PRL: variants seen among roughly 807,000 people sequenced by gnomAD.
PRL encodes decidual prolactin.
A neutral mutation model predicts 21.3 loss-of-function variants in PRL; 24 were observed. The observed-to-expected ratio is 1.13, with a 90% CI of 0.82 to 1.59. PRL has a LOEUF of 1.59. Among genes scored for constraint, PRL ranks in the 40% most tolerant of loss-of-function variants. The probability of loss-of-function intolerance (pLI) is 0.00; values close to 1 mark genes in which losing one functional copy is unlikely to be tolerated. For synonymous variants in PRL, 118 were observed against 115.7 expected, an observed-to-expected ratio of 1.02 and a Z score of -0.13; for missense variants, 243 against 286.9, an observed-to-expected ratio of 0.85 and a Z score of 1.10.
upstream of PRL, among the ~76,000 whole-genome samples, chr6:22,298,087 A>C (rs1381911656): frequency 6.6e-6 from 1 of 152,202 alleles, no homozygotes; most frequent in Non-Finnish European, 1.5e-5. Context: ...ACACACACAG[A>C]CACACTTACA....
rs371254759 is a variant in PRL at position 22,290,255 on chromosome 6, C to T, written c.411G>A (p.Pro137=). 1.6e-5 allele frequency: 26 copies of T among 1,612,968 alleles called. No homozygotes were observed. The highest frequency in any genetic ancestry group is 1.6e-4 in the Middle Eastern group (1 of 6,080). The change falls in exon 4 of 5, where the codon CCG becomes CCA. Residue 137 remains proline (P), a synonymous_variant. Coordinates refer to ENST00000306482, the MANE Select transcript of PRL (RefSeq NM_000948.6). Reference sequence around the variant, plus strand: ...CTACAGCTTTGGATAGGATAGCCTCCGGGGCTTCTTGCATACCACGTACTT... The same window carrying T: ...CTACAGCTTTGGATAGGATAGCCTCTGGGGCTTCTTGCATACCACGTACTT... ...VTEVRGMQEA[P]EAILSKAVEI...
At chr6:22,295,951 A>T (rs1761164195) in intron 1 of PRL, among the ~76,000 whole-genome samples, 1 of 152,230 alleles carries the variant, frequency 6.6e-6, no homozygotes, top group African/African-American at 2.4e-5. Flanking sequence ...TTGTAAAATA[A>T]AATTTTTGTT....
At chr6:22,295,377 C>A (rs1581388188) in intron 1 of PRL, among the ~76,000 whole-genome samples, 1 of 152,134 alleles carries the variant, frequency 6.6e-6, no homozygotes, top group East Asian at 1.9e-4. Context: ...TGCACGTCGT[C>A]TTGTCACATC....
Position 22,288,740 on chromosome 6 carries a change from G to A in PRL, c.493-1147C>T, listed in dbSNP as rs191167721. 1.7e-4 allele frequency among the ~76,000 whole-genome samples: 26 copies of A among 152,320 alleles called. No individual in the cohort carries two copies. Among genetic ancestry groups the A allele is most frequent in the Admixed American group, 9.1e-4 (14 of 15,308 alleles). On this transcript the variant is annotated intron_variant, in intron 4 of 4. Transcript: ENST00000306482. The surrounding 1 kb of genome is among the most constrained non-coding windows in gnomAD (Gnocchi z 4.5). ...AAGTAACCATTTTAGCAACTTTAGG[G>A]ATGTCAGCTAGTTTGGAGAGTTATT...
rs1052827898 is a variant in PRL, at chr6:22,288,216, G to T, written c.493-623C>A. On this transcript the variant is annotated intron_variant, in intron 4 of 4. Coordinates refer to ENST00000306482, the MANE Select transcript of PRL (RefSeq NM_000948.6). This position sits in a 1 kb window ranked among gnomAD's most constrained non-coding sequence, Gnocchi z 4.5. ...TGCTTTCTTTTGAGGTCCCTGGGCT[G>T]GGAGGTGCCGGGAAAAGCACCTACA... Among the ~76,000 whole-genome samples the T allele has an allele frequency of 6.6e-6, 1 of 152,058 alleles. No homozygotes were observed. Among genetic ancestry groups the T allele is most frequent in the African/African-American group, 2.4e-5 (1 of 41,388 alleles).
chr6:22,300,228 A>G (rs1372262011), upstream of PRL, among the ~76,000 whole-genome samples: 2 of 152,234 alleles, frequency 1.3e-5, no homozygotes, highest in African/African-American at 2.4e-5. Context: ...TACTATTTAG[A>G]TTAACTTCAT....
At chr6:22,299,700 G>A (rs545290494), upstream of PRL, among the ~76,000 whole-genome samples, 424 of 152,160 alleles carry the variant, frequency 2.8e-3, 6 homozygotes, top group Non-Finnish European at 4.1e-3. Flanking sequence ...TTAGCTAGGC[G>A]TGGTGGCAGG....
chr6:22,296,811 G>T, intron 1 of PRL, 144 bp downstream of exon 1: 1 of 820,276 alleles, frequency 1.2e-6, no homozygotes, highest in Non-Finnish European at 1.9e-6. Context: ...TGGTGCCCTT[G>T]TAAAATTGCT....
In PRL at chr6:22,288,821, A is replaced by G. The variant is rs1760979266; in HGVS notation, c.493-1228T>C. Among the ~76,000 whole-genome samples, 1 of 152,132 alleles carries G rather than the reference A, an allele frequency of 6.6e-6. No homozygotes were observed. The highest frequency in any genetic ancestry group is 2.4e-5 in the African/African-American group (1 of 41,436). On this transcript the variant is annotated intron_variant, in intron 4 of 4. Coordinates refer to ENST00000306482, the MANE Select transcript of PRL (RefSeq NM_000948.6). The surrounding 1 kb of genome is among the most constrained non-coding windows in gnomAD (Gnocchi z 4.5). ...GCTAAACCTTTTCCTACAAAGTGAG[A>G]ATATTTTTCAAATCTGGGATTCCCT...
Position 22,287,562 on chromosome 6 carries a change from T to A in PRL, c.524A>T (p.Tyr175Phe), listed in dbSNP as rs1760948815. Residue 175 changes from tyrosine to phenylalanine, a missense_variant, in exon 5 of 5, where the codon TAC becomes TTC. Transcript: ENST00000306482. ...GGATGGAAGTCCCGACCAGACAGGG[T>A]AGATCTCATTTTCTTTGGTTTCAGG... ...VHPETKENEI[Y>F]PVWSGLPSLQ... 6.2e-7 allele frequency: 1 copy of A among 1,610,886 alleles called. No individual in the cohort carries two copies. Among genetic ancestry groups the A allele is most frequent in the Admixed American group, 1.7e-5 (1 of 59,574 alleles).
Position 22,288,883 on chromosome 6 carries a change from C to T in PRL, c.493-1290G>A, listed in dbSNP as rs567469178. On this transcript the variant is annotated intron_variant, in intron 4 of 4. Coordinates refer to ENST00000306482, the MANE Select transcript of PRL (RefSeq NM_000948.6). The surrounding 1 kb of genome is among the most constrained non-coding windows in gnomAD (Gnocchi z 4.5). The stretch of plus-strand genomic sequence containing the variant: ...AAGTGTGTGTGTGTGTATGCGCGTG[C>T]GCGTGTGTGTGCGTGTGTGCGCGCG... Among the ~76,000 whole-genome samples the T allele has an allele frequency of 9.9e-5, 15 of 151,320 alleles. 1 individual carries two copies. Among genetic ancestry groups the T allele is most frequent in the South Asian group, 8.4e-4 (4 of 4,776 alleles).
rs781634272 is a variant in PRL at position 22,294,408 on chromosome 6, C to T, written c.204+1G>A. 3.1e-6 allele frequency: 5 copies of T among 1,614,080 alleles called. No homozygotes were observed. The highest frequency in any genetic ancestry group is 2.2e-5 in the East Asian group (1 of 44,870). ...GAGGAAGCCAGAAGCATGGTACTTA[C>T]GAATTCGCTGAACATTTCTGAGGAG... On this transcript the variant is annotated splice_donor_variant, in intron 2 of 4. Transcript: ENST00000306482. LOFTEE classifies it high-confidence loss of function.
chr6:22,292,924 G>A (rs1012974884), intron 2 of PRL, among the ~76,000 whole-genome samples: 1 of 152,014 alleles, frequency 6.6e-6, no homozygotes, highest in Non-Finnish European at 1.5e-5. Flanking sequence ...CAAGTCACAC[G>A]AGTTGCTATT....
At chr6:22,299,060 T>A (rs1464415626), upstream of PRL, among the ~76,000 whole-genome samples, 1 of 152,190 alleles carries the variant, frequency 6.6e-6, no homozygotes, top group Non-Finnish European at 1.5e-5. Flanking sequence ...CAAAGACATA[T>A]ATTATGCAAA....
At chr6:22,297,206 A>G (rs1480099650), upstream of PRL, 1 of 572,040 alleles carries the variant, frequency 1.7e-6, no homozygotes, top group Non-Finnish European at 3.1e-6. Context: ...TCAGGAAGAC[A>G]TACTGGCCAG....
At chr6:22,294,010 T>C (rs957733706) in intron 2 of PRL, among the ~76,000 whole-genome samples, 10 of 152,232 alleles carry the variant, frequency 6.6e-5, no homozygotes, top group Non-Finnish European at 4.4e-5. Context: ...CCCAATTTGC[T>C]GCAGTGCAGT....
At chr6:22,299,476 T>C (rs1761243467), upstream of PRL, among the ~76,000 whole-genome samples, 1 of 152,234 alleles carries the variant, frequency 6.6e-6, no homozygotes, top group African/African-American at 2.4e-5. Flanking sequence ...GTATTTTCTT[T>C]TGTTTATCTG....
intron 4 of PRL, 27 bp downstream of exon 4, chr6:22,290,147 A>G: frequency 6.6e-7 from 1 of 1,504,868 alleles, no homozygotes; most frequent in Non-Finnish European, 9.0e-7. Context: ...AATGAGAAAA[A>G]CAAAGAAGCA....
chr6:22,293,687 A>AG (rs1761111378), intron 2 of PRL, among the ~76,000 whole-genome samples: 1 of 95,846 alleles, frequency 1.0e-5, no homozygotes, highest in African/African-American at 3.9e-5. Context: ...AGGAAGGAAA[A>AG]AAGGAAGGAA....
Sources: allele counts gnomAD v4.1 joint callset (sites outside exome capture counted in the v4.1 genomes callset), GRCh38; gene constraint gnomAD v4.1.1; non-coding constraint Gnocchi (gnomAD v3.1); transcripts MANE v1.5; gene names NCBI Gene and HGNC (gene_info 2026-07-23, HGNC 2026-07-21).